The following PPP4R3B variants were observed in gnomAD, a reference collection of about 807,000 sequenced individuals.
PPP4R3B encodes protein phosphatase 4 regulatory subunit 3B, also known as serine/threonine-protein phosphatase 4 regulatory subunit 3B.
Under a neutral mutation model 95.4 loss-of-function variants are expected in PPP4R3B, and 52 were observed. The observed-to-expected ratio is 0.54, with a 90% confidence interval of 0.44 to 0.69. PPP4R3B has a LOEUF of 0.69. PPP4R3B is among the 30% of genes least tolerant of loss of function. PPP4R3B has a pLI of 0.00. For synonymous variants in PPP4R3B, 407 were observed against 343.9 expected, an observed-to-expected ratio of 1.18 and a Z score of -2.03; for missense variants, 1,003 against 1,005.9, an observed-to-expected ratio of 1.00 and a Z score of 0.04.
chr2:55,595,846 C>A lies in PPP4R3B; in HGVS notation c.921+2570G>T, dbSNP rs1321361118. On this transcript the variant is annotated intron_variant, in intron 4 of 16. Transcript: ENST00000616407. ...GGGACTTCCAGAGGTCCACAAACCA[C>A]ACTCTGAGATCCACAATACTAAGTA... Among the ~76,000 whole-genome samples, 4 of 151,942 alleles carry A rather than the reference C, an allele frequency of 2.6e-5. No individual in the cohort carries two copies. The East Asian group carries it at 5.8e-4, about 22-fold the overall frequency.
chr2:55,564,551 T>C, intron 14 of PPP4R3B, 54 bp from the exon 15 acceptor site: 3 of 1,465,368 alleles, frequency 2.0e-6, no homozygotes, highest in Non-Finnish European at 1.8e-6. Flanking sequence ...CATCATCAGA[T>C]TGAACTGAAG....
intron 16 of PPP4R3B, among the ~76,000 whole-genome samples, chr2:55,551,695 G>A (rs947568732): frequency 1.3e-5 from 2 of 150,646 alleles, no homozygotes; most frequent in South Asian, 2.1e-4. Context: ...AGGCTGCAGT[G>A]AGCCAAGATT....
Position 55,598,773 on chromosome 2 carries a change from A to C in PPP4R3B, c.564T>G (p.Thr188=). The change falls in exon 4 of 17, where the codon ACT becomes ACG. Residue 188 remains threonine, a synonymous_variant. Coordinates refer to ENST00000616407, the MANE Select transcript of PPP4R3B (RefSeq NM_001122964.3). Reference sequence around the variant, plus strand: ...TTTCATACAAATGGTGTAAGCCTTCAGTGTTTTCTAGGTTCTCGCAAGCTT... The same window carrying C: ...TTTCATACAAATGGTGTAAGCCTTCCGTGTTTTCTAGGTTCTCGCAAGCTT... ...LFQACENLEN[T]EGLHHLYEII... 6.2e-7 allele frequency: 1 copy of C among 1,614,214 alleles called. No individual in the cohort carries two copies. The highest frequency in any genetic ancestry group is 8.5e-7 in the Non-Finnish European group (1 of 1,180,038).
chr2:55,549,794 G>C lies in PPP4R3B; in HGVS notation c.*117C>G. 1.3e-6 allele frequency: 1 copy of C among 783,012 alleles called. No individual in the cohort carries two copies. Among genetic ancestry groups the C allele is most frequent in the African/African-American group, 1.7e-5 (1 of 57,320 alleles). The allele number at this position is 783,012 out of a possible 1,614,324, so 48.5% of individuals were successfully genotyped here. The stretch of plus-strand genomic sequence containing the variant: ...TCTCTTAGCTGATATACTGTCTTTT[G>C]CTACTCCTTGTATATTTTATAAGTT... On this transcript the variant is annotated 3_prime_UTR_variant, in exon 17 of 17. Transcript: ENST00000616407.
At chr2:55,573,299 G>A (rs1321923125) in intron 12 of PPP4R3B, among the ~76,000 whole-genome samples, 1 of 152,078 alleles carries the variant, frequency 6.6e-6, no homozygotes, top group African/African-American at 2.4e-5. Context: ...TAATTATAAA[G>A]AGTGACTGAC....
intron 7 of PPP4R3B, among the ~76,000 whole-genome samples, chr2:55,582,877 G>C (rs1689619960): frequency 1.3e-5 from 2 of 152,100 alleles, no homozygotes; most frequent in Admixed American, 6.5e-5. Flanking sequence ...GTCAGGTTCT[G>C]CAAGTTTTAC....
chr2:55,595,310 C>T (rs1195783044), intron 4 of PPP4R3B, among the ~76,000 whole-genome samples: 1 of 151,820 alleles, frequency 6.6e-6, no homozygotes, highest in Non-Finnish European at 1.5e-5. Context: ...CAGGCATGAG[C>T]CACCACACCC....
chr2:55,569,391 C>G (rs11125581), intron 12 of PPP4R3B, among the ~76,000 whole-genome samples: 67,216 of 152,030 alleles, frequency 0.44, 15,881 homozygotes, highest in Non-Finnish European at 0.52. Context: ...ATTAGTCAGG[C>G]CCACCTGCAG....
chr2:55,555,806 A>G (rs1685783484), intron 16 of PPP4R3B, among the ~76,000 whole-genome samples: 1 of 152,230 alleles, frequency 6.6e-6, no homozygotes, highest in Non-Finnish European at 1.5e-5. Flanking sequence ...CCTGATATGA[A>G]GAGCTCACCA....
At chr2:55,582,210 T>C (rs1689536482) in intron 7 of PPP4R3B, among the ~76,000 whole-genome samples, 1 of 152,222 alleles carries the variant, frequency 6.6e-6, no homozygotes. Context: ...CACTGTGTTA[T>C]ATAACAATCT....
At chr2:55,597,538 C>T (rs1194864262) in intron 4 of PPP4R3B, among the ~76,000 whole-genome samples, 1 of 152,108 alleles carries the variant, frequency 6.6e-6, no homozygotes, top group Admixed American at 6.6e-5. Context: ...AGGAGAATGG[C>T]GTGAACCCGG....
intron 2 of PPP4R3B, among the ~76,000 whole-genome samples, chr2:55,610,344 C>A (rs1693996622): frequency 6.6e-6 from 1 of 152,116 alleles, no homozygotes; most frequent in South Asian, 2.1e-4. Context: ...AACACAGTAT[C>A]ACTTTAGGCC....
At chr2:55,557,596 C>T (rs577605359) in intron 16 of PPP4R3B, among the ~76,000 whole-genome samples, 2 of 152,232 alleles carry the variant, frequency 1.3e-5, no homozygotes, top group South Asian at 4.1e-4. Flanking sequence ...TACCGAATAC[C>T]ATGAAAATGC....
At chr2:55,590,384 C>T (rs114227219) in intron 4 of PPP4R3B, among the ~76,000 whole-genome samples, 114 of 151,962 alleles carry the variant, frequency 7.5e-4, no homozygotes, top group African/African-American at 2.6e-3. Context: ...CTAGGAGTAC[C>T]GGTTAGACTG....
At chr2:55,563,939 CA>C (rs1360181628) in intron 15 of PPP4R3B, among the ~76,000 whole-genome samples, 1 of 152,104 alleles carries the variant, frequency 6.6e-6, no homozygotes, top group Non-Finnish European at 1.5e-5. Context: ...CTCAGTTTAT[CA>C]GCTGTAAAAG....
At chr2:55,550,959 G>T (rs1447543796) in intron 16 of PPP4R3B, among the ~76,000 whole-genome samples, 3 of 152,058 alleles carry the variant, frequency 2.0e-5, no homozygotes, top group African/African-American at 7.2e-5. Flanking sequence ...CTTAAGTCTG[G>T]ATATGCAAGA....
intron 6 of PPP4R3B, among the ~76,000 whole-genome samples, chr2:55,585,924 G>A (rs1428342356): frequency 2.0e-5 from 3 of 150,644 alleles, no homozygotes; most frequent in Non-Finnish European, 2.9e-5. Context: ...CAAGTACAGT[G>A]GGGTTTTCCA....
intron 11 of PPP4R3B, among the ~76,000 whole-genome samples, chr2:55,575,485 A>G (rs1281878711): frequency 6.6e-6 from 1 of 152,038 alleles, no homozygotes; most frequent in African/African-American, 2.4e-5. Flanking sequence ...TCACTATGTC[A>G]CCCAGGCTGG....
chr2:55,553,604 CCCA>C (rs1685499991), intron 16 of PPP4R3B, among the ~76,000 whole-genome samples: 1 of 152,056 alleles, frequency 6.6e-6, no homozygotes, highest in South Asian at 2.1e-4. Flanking sequence ...TCCTCATTCC[CCCA>C]CCACCCCCCA....
Sources: gnomAD v4.1 joint callset for allele counts (sites outside exome capture counted in the v4.1 genomes callset) on GRCh38, gnomAD v4.1.1 for gene constraint, MANE v1.5 for transcripts, NCBI Gene and HGNC (gene_info 2026-07-23, HGNC 2026-07-21) for gene names.